Variants in CHST11 observed in about 807,000 individuals in gnomAD.
The protein encoded by CHST11 is C4S-1.
Under a neutral mutation model 30.4 loss-of-function variants are expected in CHST11, and 9 were observed. The observed-to-expected ratio is 0.30, with a 90% CI of 0.18 to 0.52. The LOEUF is 0.52. CHST11 is among the 20% of genes least tolerant of loss of function. The pLI is 0.97. For missense variants in CHST11, 348 were observed against 460.6 expected (o/e 0.76, Z 2.24); for synonymous variants, 152 against 187.8 (o/e 0.81, Z 1.56).
chr12:104,601,957 G>T lies in CHST11; in HGVS notation c.170G>T (p.Arg57Leu). The T allele has an allele frequency of 6.2e-7, 1 of 1,613,932 alleles. No individual in the cohort carries two copies. The highest frequency in any genetic ancestry group is 1.1e-5 in the South Asian group (1 of 91,068). The change falls in exon 2 of 3, where the codon CGA (arginine) becomes CTA (leucine). Residue 57 changes from arginine (R) to leucine (L), a missense_variant. Around this residue, in one of 3 missense-constraint regions of CHST11, gnomAD observed 135 missense variants for 155.8 expected, o/e 0.87. Coordinates refer to ENST00000303694, the MANE Select transcript of CHST11 (RefSeq NM_018413.6). ...GVDICCRKGS[R>L]SPLQELYNPI... ...GACATCTGCTGCCGGAAGGGGTCCC[G>T]AAGCCCCCTGCAGGAACTCTACAAC...
At chr12:104,533,428 C>T (rs759052915) in intron 1 of CHST11, among the ~76,000 whole-genome samples, 2 of 152,036 alleles carry the variant, frequency 1.3e-5, no homozygotes, top group Non-Finnish European at 2.9e-5. Flanking sequence ...TTGTGAAGCA[C>T]CTGGGGAAGA....
intron 1 of CHST11, among the ~76,000 whole-genome samples, chr12:104,541,673 A>G (rs150854180): frequency 1.3e-5 from 2 of 152,326 alleles, no homozygotes; most frequent in East Asian, 3.9e-4. Flanking sequence ...GCTTTGCTCC[A>G]TCTCATGGGG....
chr12:104,698,778 A>G (rs1424632508), intron 2 of CHST11, among the ~76,000 whole-genome samples: 1 of 152,248 alleles, frequency 6.6e-6, no homozygotes, highest in East Asian at 1.9e-4. Context: ...AGTTTAACAT[A>G]GCATGTGCAA....
rs548689268 is a variant in CHST11 at position 104,596,571 on chromosome 12, A to G, written c.119-5335A>G. On this transcript the variant is annotated intron_variant, in intron 1 of 2. Coordinates refer to ENST00000303694, the MANE Select transcript of CHST11 (RefSeq NM_018413.6). The stretch of plus-strand genomic sequence containing the variant: ...GGAAATAAACAGACGTGGGTTGTCA[A>G]TTTGCTACTTGCCCTTGCTGACTGT... 7.5e-5 allele frequency among the ~76,000 whole-genome samples: 6 copies of G among 80,088 alleles called. No homozygotes were observed. The East Asian group carries it at 2.3e-3, about 30-fold the overall frequency. 52.5% of individuals were successfully genotyped at this position (80,088 alleles called of 152,430 possible).
chr12:104,635,878 A>G (rs2039318463), intron 2 of CHST11, among the ~76,000 whole-genome samples: 1 of 152,234 alleles, frequency 6.6e-6, no homozygotes, highest in Non-Finnish European at 1.5e-5. Flanking sequence ...TTACAAATTA[A>G]AAAAGAAAAC....
intron 1 of CHST11, among the ~76,000 whole-genome samples, chr12:104,583,751 C>T (rs2038772295): frequency 2.0e-5 from 3 of 151,252 alleles, no homozygotes; most frequent in Admixed American, 6.6e-5. Context: ...CTCACTCTGT[C>T]GCCCAGGCTG....
intron 1 of CHST11, among the ~76,000 whole-genome samples, chr12:104,518,565 T>C (rs1331756988): frequency 6.6e-6 from 1 of 152,142 alleles, no homozygotes; most frequent in African/African-American, 2.4e-5. Context: ...GCATAGTTAA[T>C]ACACCCCGGA....
intron 1 of CHST11, among the ~76,000 whole-genome samples, chr12:104,535,677 C>T (rs933837241): frequency 6.6e-6 from 1 of 152,102 alleles, no homozygotes; most frequent in Non-Finnish European, 1.5e-5. Context: ...AAGGGGAGGG[C>T]GGAATGGGTG....
At chr12:104,713,629 G>A (rs550353759) in intron 2 of CHST11, among the ~76,000 whole-genome samples, 1 of 152,328 alleles carries the variant, frequency 6.6e-6, no homozygotes, top group South Asian at 2.1e-4. Flanking sequence ...AAGGAGTCCT[G>A]CTGGTGAAGG....
At chr12:104,707,132 G>A (rs986161294) in intron 2 of CHST11, among the ~76,000 whole-genome samples, 20 of 152,184 alleles carry the variant, frequency 1.3e-4, no homozygotes, top group Non-Finnish European at 2.5e-4. Flanking sequence ...CTGAAATGAT[G>A]GAAGTGTTTT....
chr12:104,565,530 G>A (rs1242730981), intron 1 of CHST11, among the ~76,000 whole-genome samples: 1 of 152,104 alleles, frequency 6.6e-6, no homozygotes, highest in Non-Finnish European at 1.5e-5. Context: ...GCCTCCCAAA[G>A]TGCTGGGATT....
chr12:104,745,513 A>G (rs1489564473), intron 2 of CHST11, among the ~76,000 whole-genome samples: 1 of 152,232 alleles, frequency 6.6e-6, no homozygotes, highest in Non-Finnish European at 1.5e-5. Flanking sequence ...CATTGAATAT[A>G]TAAATTGCTT....
At chr12:104,738,308 G>C (rs535635599) in intron 2 of CHST11, among the ~76,000 whole-genome samples, 1 of 152,292 alleles carries the variant, frequency 6.6e-6, no homozygotes, top group East Asian at 1.9e-4. Flanking sequence ...TCGCCTCAAG[G>C]CTGCACTCCC....
intron 2 of CHST11, among the ~76,000 whole-genome samples, chr12:104,621,171 T>C (rs2136060636): frequency 6.6e-6 from 1 of 152,316 alleles, no homozygotes; most frequent in African/African-American, 2.4e-5. Flanking sequence ...TTGGGGAGTC[T>C]CACAGACCAC....
At chr12:104,695,691 T>A (rs909952137) in intron 2 of CHST11, among the ~76,000 whole-genome samples, 2 of 152,212 alleles carry the variant, frequency 1.3e-5, no homozygotes, top group Non-Finnish European at 1.5e-5. Flanking sequence ...TAGATTTTTT[T>A]AATTCTGTGA....
chr12:104,685,119 T>C (rs1342284238), intron 2 of CHST11, among the ~76,000 whole-genome samples: 5 of 152,222 alleles, frequency 3.3e-5, no homozygotes, highest in Admixed American at 2.6e-4. Flanking sequence ...TTTGGTTATC[T>C]TATCCATCCA....
rs759088814 is a variant in CHST11, at chr12:104,601,942, G to A, written c.155G>A (p.Cys52Tyr). The A allele has an allele frequency of 4.3e-6, 7 of 1,614,060 alleles. No individual in the cohort carries two copies. Among genetic ancestry groups the A allele is most frequent in the Non-Finnish European group, 5.9e-6 (7 of 1,180,008 alleles). ...RRNPFGVDIC[C>Y]RKGSRSPLQE... ...AATCCCTTTGGTGTGGACATCTGCT[G>A]CCGGAAGGGGTCCCGAAGCCCCCTG... Residue 52 changes from cysteine to tyrosine, a missense_variant, in exon 2 of 3, where the codon TGC becomes TAC. Physicochemically the swap from Cys to Tyr is radical, Grantham distance 194 (BLOSUM62 -2). Coordinates refer to ENST00000303694, the MANE Select transcript of CHST11 (RefSeq NM_018413.6).
chr12:104,601,176 C>T (rs1198207509), intron 1 of CHST11, among the ~76,000 whole-genome samples: 1 of 152,044 alleles, frequency 6.6e-6, no homozygotes, highest in Non-Finnish European at 1.5e-5. Context: ...CTATGCGTTA[C>T]ATAATGCATG....
intron 2 of CHST11, among the ~76,000 whole-genome samples, chr12:104,718,613 G>C (rs1368714958): frequency 6.6e-6 from 1 of 152,148 alleles, no homozygotes; most frequent in Non-Finnish European, 1.5e-5. Context: ...TTGAGGAGTG[G>C]CGATTGTTTG....
Sources: gnomAD v4.1 joint callset for allele counts (sites outside exome capture counted in the v4.1 genomes callset) on GRCh38, gnomAD v4.1.1 for gene constraint, gnomAD v4.1.1 regional missense constraint, MANE v1.5 for transcripts, NCBI Gene and HGNC (gene_info 2026-07-23, HGNC 2026-07-21) for gene names.